RASAL2: variants seen among roughly 807,000 people sequenced by gnomAD.
RASAL2 encodes the protein ras GTPase-activating protein nGAP.
RASAL2 carries 58 observed loss-of-function variants against 128.9 expected under a neutral mutation model. That is an observed-to-expected ratio of 0.45 (90% CI 0.36 to 0.56). RASAL2 has a LOEUF of 0.56. RASAL2 is among the 20% of genes least tolerant of loss of function. The pLI, the probability that RASAL2 is intolerant of heterozygous loss-of-function variation, is 0.00. For synonymous variants in RASAL2, 561 were observed against 580.8 expected (o/e 0.97, Z 0.49); for missense variants, 1,360 against 1,601.6 (o/e 0.85, Z 2.57).
intron 1 of RASAL2, among the ~76,000 whole-genome samples, chr1:178,196,520 A>G (rs1187631222): frequency 1.3e-5 from 2 of 152,222 alleles, no homozygotes; most frequent in African/African-American, 4.8e-5. Flanking sequence ...TCTAGAAATC[A>G]AAACTTGAAT....
intron 11 of RASAL2, 103 bp from the exon 12 acceptor site, chr1:178,454,344 C>T (rs1677612228): frequency 2.2e-6 from 2 of 909,112 alleles, no homozygotes; most frequent in Non-Finnish European, 3.3e-6. Flanking sequence ...TAGTCATTCC[C>T]TCCACAAAAT....
chr1:178,129,050 G>C (rs989276520), intron 1 of RASAL2, among the ~76,000 whole-genome samples: 2 of 151,970 alleles, frequency 1.3e-5, no homozygotes, highest in South Asian at 4.2e-4. Context: ...ATGAACATAC[G>C]TATGTTTTAT....
At position 178,411,768 on chromosome 1, in the gene RASAL2, G is replaced by A. The variant is rs564157956; in HGVS notation, c.565-8743G>A. On this transcript the variant is annotated intron_variant, in intron 4 of 17. Coordinates refer to ENST00000367649, the MANE Select transcript of RASAL2 (RefSeq NM_170692.4). Reference sequence around the variant, plus strand: ...TGAAGGCAGACCGAGATGAATCCTCGCCATGTGCTGCTTTTTTGGCTGCCC... The same window carrying A: ...TGAAGGCAGACCGAGATGAATCCTCACCATGTGCTGCTTTTTTGGCTGCCC... 243 of 788,024 alleles carry A rather than the reference G, an allele frequency of 3.1e-4. 1 individual carries two copies. In the African/African-American group the frequency reaches 3.5e-3, roughly 11 times the overall value. 48.8% of individuals were successfully genotyped at this position (788,024 alleles called of 1,614,324 possible).
intron 1 of RASAL2, among the ~76,000 whole-genome samples, chr1:178,270,376 T>C (rs1666189562): frequency 6.6e-6 from 1 of 152,136 alleles, no homozygotes; most frequent in South Asian, 2.1e-4. Flanking sequence ...TTCCATCTTT[T>C]TGTCTTTTTG....
In RASAL2 at chr1:178,332,704, C is replaced by T. The variant is rs567507180; in HGVS notation, c.457+32586C>T. On this transcript the variant is annotated intron_variant, in intron 3 of 17. Coordinates refer to ENST00000367649, the MANE Select transcript of RASAL2 (RefSeq NM_170692.4). Reference sequence around the variant, plus strand: ...TTGGCTCACTGCAAGCTCCACCTCCCGGGTTCACGCCATTCTCCTGCCTCA... The same window carrying T: ...TTGGCTCACTGCAAGCTCCACCTCCTGGGTTCACGCCATTCTCCTGCCTCA... Among the ~76,000 whole-genome samples, 21 of 150,280 alleles carry T rather than the reference C, an allele frequency of 1.4e-4. No homozygotes were observed. In the East Asian group the frequency reaches 3.1e-3, roughly 22 times the overall value.
intron 1 of RASAL2, among the ~76,000 whole-genome samples, chr1:178,139,762 A>G (rs1393557333): frequency 6.6e-6 from 1 of 151,822 alleles, no homozygotes; most frequent in Non-Finnish European, 1.5e-5. Flanking sequence ...TTTCCTTTGT[A>G]GTAAATTAGT....
chr1:178,175,275 C>T (rs990643799), intron 1 of RASAL2, among the ~76,000 whole-genome samples: 34 of 151,660 alleles, frequency 2.2e-4, no homozygotes, highest in African/African-American at 5.3e-4. Context: ...GGGGAAAAGT[C>T]GTATATGAGA....
intron 4 of RASAL2, 74 bp downstream of exon 4, chr1:178,390,280 A>G: frequency 1.9e-6 from 2 of 1,044,356 alleles, no homozygotes; most frequent in Non-Finnish European, 2.8e-6. Flanking sequence ...AGGGGCAGCT[A>G]CTAAGGAATC....
At chr1:178,270,433 TC>T (rs1187889746) in intron 1 of RASAL2, among the ~76,000 whole-genome samples, 2 of 152,098 alleles carry the variant, frequency 1.3e-5, no homozygotes, top group Non-Finnish European at 1.5e-5. Flanking sequence ...TGCATTTTTT[TC>T]ATTTCTGCTA....
rs538300599 is a variant in RASAL2 at position 178,192,883 on chromosome 1, G to A, written c.203-90681G>A. Among the ~76,000 whole-genome samples, 160 of 152,262 alleles carry A rather than the reference G, an allele frequency of 1.1e-3. 1 individual carries two copies. Among genetic ancestry groups the A allele is most frequent in the African/African-American group, 3.8e-3 (157 of 41,532 alleles). ...CTAGGTTGTTGGCACTGCCCCTGGGGAAAGTGAGATATCTTGCATTACTTC... is the reference window on the plus strand; with the variant it reads ...CTAGGTTGTTGGCACTGCCCCTGGGAAAAGTGAGATATCTTGCATTACTTC... On this transcript the variant is annotated intron_variant, in intron 1 of 17. Coordinates refer to ENST00000367649, the MANE Select transcript of RASAL2 (RefSeq NM_170692.4).
intron 1 of RASAL2, among the ~76,000 whole-genome samples, chr1:178,141,692 G>A (rs892915333): frequency 6.6e-6 from 1 of 152,076 alleles, no homozygotes; most frequent in Non-Finnish European, 1.5e-5. Flanking sequence ...CATTAACATC[G>A]GAGCATGGGC....
intron 1 of RASAL2, among the ~76,000 whole-genome samples, chr1:178,166,196 T>G (rs886694402): frequency 6.6e-6 from 1 of 152,166 alleles, no homozygotes; most frequent in Non-Finnish European, 1.5e-5. Flanking sequence ...GTGGTCAATC[T>G]CACTGTTGCA....
intron 1 of RASAL2, among the ~76,000 whole-genome samples, chr1:178,271,696 T>G (rs1666265884): frequency 6.6e-6 from 1 of 152,222 alleles, no homozygotes; most frequent in Non-Finnish European, 1.5e-5. Context: ...GTTCACCTTT[T>G]GACAAAAATG....
intron 1 of RASAL2, among the ~76,000 whole-genome samples, chr1:178,255,550 T>C (rs1473449746): frequency 6.6e-6 from 1 of 152,006 alleles, no homozygotes; most frequent in African/African-American, 2.4e-5. Context: ...GTAATATCTA[T>C]AACAATAAAG....
At chr1:178,470,766 G>T (rs748586094) in intron 17 of RASAL2, 4 of 1,350,276 alleles carry the variant, frequency 3.0e-6, no homozygotes, top group Non-Finnish European at 4.0e-6. Flanking sequence ...GCAGTTCCCA[G>T]CCCTGGCCCA....
chr1:178,220,772 A>G (rs1199873618), intron 1 of RASAL2, among the ~76,000 whole-genome samples: 1 of 152,208 alleles, frequency 6.6e-6, no homozygotes, highest in East Asian at 1.9e-4. Flanking sequence ...TTAGCACTGA[A>G]TAATATTCAG....
intron 1 of RASAL2, among the ~76,000 whole-genome samples, chr1:178,209,382 G>A (rs979578738): frequency 5.9e-5 from 9 of 152,160 alleles, no homozygotes; most frequent in African/African-American, 2.2e-4. Context: ...AAGAAATAGT[G>A]CATTGGGATC....
At chr1:178,187,790 G>A (rs906148087) in intron 1 of RASAL2, among the ~76,000 whole-genome samples, 11 of 152,228 alleles carry the variant, frequency 7.2e-5, no homozygotes, top group African/African-American at 2.4e-4. Context: ...CTAAGAGACA[G>A]AGTCTCACTC....
intron 2 of RASAL2, among the ~76,000 whole-genome samples, chr1:178,296,668 ATTTTT>A (rs1160539560): frequency 8.8e-6 from 1 of 113,746 alleles, no homozygotes; most frequent in African/African-American, 3.3e-5. Context: ...CCTGGCCTTG[ATTTTT>A]TTTTTTTTTT....
Sources: gnomAD v4.1 joint callset for allele counts (sites outside exome capture counted in the v4.1 genomes callset) on GRCh38, gnomAD v4.1.1 for gene constraint, MANE v1.5 for transcripts, NCBI Gene and HGNC (gene_info 2026-07-23, HGNC 2026-07-21) for gene names.